LRRIQ3: variants seen among roughly 807,000 people sequenced by gnomAD.
LRRIQ3 encodes the protein leucine-rich repeat and IQ domain-containing protein 3.
LRRIQ3 carries 75 observed loss-of-function variants against 59.3 expected under a neutral mutation model. That is an observed-to-expected ratio of 1.26 (90% CI 1.05 to 1.53). The LOEUF (loss-of-function observed/expected upper bound fraction) is 1.53, where lower values mean the gene tolerates loss of function less well. LRRIQ3 is among the 40% of genes most tolerant of loss of function. LRRIQ3 has a pLI of 0.00. For synonymous variants in LRRIQ3, 250 were observed against 231.3 expected, an observed-to-expected ratio of 1.08 and a Z score of -0.73; for missense variants, 831 against 710.0, an observed-to-expected ratio of 1.17 and a Z score of -1.94.
At chr1:74,123,650 C>T (rs1488314416) in intron 4 of LRRIQ3, among the ~76,000 whole-genome samples, 2 of 152,012 alleles carry the variant, frequency 1.3e-5, no homozygotes, top group Non-Finnish European at 2.9e-5. Context: ...TTTTCTGTGG[C>T]TGAATAGTAT....
At position 74,038,669 on chromosome 1, in the gene LRRIQ3, AAC is replaced by A. The variant is rs1254447254; in HGVS notation, c.1718+2542_1718+2543del. Among the ~76,000 whole-genome samples, 3 of 152,208 alleles carry A rather than the reference AAC, an allele frequency of 2.0e-5. No homozygotes were observed. In the East Asian group the frequency reaches 5.8e-4, roughly 29 times the overall value. Reference sequence around the variant, plus strand: ...AGTGACATCTCCAGGCACAGGAGTGAACCAGATGAATAGTGCTTGAAGCGAAC... The same window carrying A: ...AGTGACATCTCCAGGCACAGGAGTGACAGATGAATAGTGCTTGAAGCGAAC... On this transcript the variant is annotated intron_variant, in intron 7 of 7. Transcript: ENST00000354431.
Position 74,160,851 on chromosome 1 carries a change from A to G in LRRIQ3, c.574-4985T>C, listed in dbSNP as rs116106002. Among the ~76,000 whole-genome samples, 804 of 152,128 alleles carry G rather than the reference A, an allele frequency of 5.3e-3. 10 individuals carry two copies. Among genetic ancestry groups the G allele is most frequent in the African/African-American group, 0.019 (769 of 41,508 alleles). ...AGTAATGGATCCTGTCACTTGTTCT[A>G]TCGTCACCCTGAAAACATAGAGGGT... is the stretch of plus-strand genomic sequence containing the variant. On this transcript the variant is annotated intron_variant, in intron 3 of 7. Transcript: ENST00000354431.
intron 5 of LRRIQ3, among the ~76,000 whole-genome samples, chr1:74,106,375 C>T (rs370526900): frequency 6.6e-6 from 1 of 150,628 alleles, no homozygotes; most frequent in African/African-American, 2.4e-5. Context: ...GTGGGGATGG[C>T]GGGGGGAGGA....
intron 5 of LRRIQ3, among the ~76,000 whole-genome samples, chr1:74,104,065 A>T (rs969919284): frequency 1.1e-4 from 16 of 152,014 alleles, no homozygotes; most frequent in Non-Finnish European, 2.4e-4. Context: ...TAAAAGGAAA[A>T]TTACATCTCA....
chr1:74,045,823 A>C (rs754062454), intron 6 of LRRIQ3, among the ~76,000 whole-genome samples: 1 of 152,184 alleles, frequency 6.6e-6, no homozygotes, highest in African/African-American at 2.4e-5. Context: ...AATAAAAGAC[A>C]AACAGCCAAT....
At chr1:74,143,634 C>A (rs1278459597) in intron 4 of LRRIQ3, among the ~76,000 whole-genome samples, 1 of 151,574 alleles carries the variant, frequency 6.6e-6, no homozygotes, top group Non-Finnish European at 1.5e-5. Flanking sequence ...TTAACCTAAT[C>A]TTCATTATAC....
chr1:74,035,224 C>A (rs938889021), intron 7 of LRRIQ3, among the ~76,000 whole-genome samples: 1 of 151,930 alleles, frequency 6.6e-6, no homozygotes, highest in Non-Finnish European at 1.5e-5. Context: ...TAGTTTTGCA[C>A]CTATCTGTGA....
At chr1:74,187,927 C>T (rs908131839) in intron 1 of LRRIQ3, among the ~76,000 whole-genome samples, 1 of 151,962 alleles carries the variant, frequency 6.6e-6, no homozygotes, top group African/African-American at 2.4e-5. Flanking sequence ...TGGGTATATA[C>T]CTAAAGCAAT....
At chr1:74,048,929 T>C (rs1354318870) in intron 6 of LRRIQ3, among the ~76,000 whole-genome samples, 1 of 152,138 alleles carries the variant, frequency 6.6e-6, no homozygotes, top group African/African-American at 2.4e-5. Flanking sequence ...ATAACAAATT[T>C]ATAAATAAGA....
At chr1:74,164,604 G>A (rs565779701) in intron 3 of LRRIQ3, among the ~76,000 whole-genome samples, 1 of 151,578 alleles carries the variant, frequency 6.6e-6, no homozygotes, top group Non-Finnish European at 1.5e-5. Flanking sequence ...CCCCAAATCT[G>A]TAGCTTATCT....
intron 3 of LRRIQ3, among the ~76,000 whole-genome samples, chr1:74,172,686 T>A (rs1649399817): frequency 6.6e-6 from 1 of 152,174 alleles, no homozygotes; most frequent in Non-Finnish European, 1.5e-5. Context: ...AAGTTTTGTA[T>A]TATTGTGTTT....
At chr1:74,163,114 A>G (rs1648755730) in intron 3 of LRRIQ3, among the ~76,000 whole-genome samples, 1 of 151,626 alleles carries the variant, frequency 6.6e-6, no homozygotes, top group African/African-American at 2.4e-5. Flanking sequence ...AAATATGTAC[A>G]ATTATATCAG....
chr1:74,061,428 T>G (rs1336374002), intron 6 of LRRIQ3, among the ~76,000 whole-genome samples: 1 of 152,142 alleles, frequency 6.6e-6, no homozygotes, highest in Non-Finnish European at 1.5e-5. Context: ...CATTCTTCAT[T>G]GAATTAGAAT....
chr1:74,090,236 AAT>A (rs921376530), intron 5 of LRRIQ3, among the ~76,000 whole-genome samples: 1 of 152,086 alleles, frequency 6.6e-6, no homozygotes, highest in African/African-American at 2.4e-5. Context: ...TGGGGATCCA[AAT>A]ATAAATTATT....
chr1:74,040,320 A>G (rs755700563), intron 7 of LRRIQ3, among the ~76,000 whole-genome samples: 4 of 152,202 alleles, frequency 2.6e-5, no homozygotes, highest in Non-Finnish European at 4.4e-5. Flanking sequence ...AAAGAGACAT[A>G]GTCTCCCACA....
At chr1:74,126,563 C>T (rs1000425064) in intron 4 of LRRIQ3, among the ~76,000 whole-genome samples, 6 of 151,700 alleles carry the variant, frequency 4.0e-5, no homozygotes, top group Admixed American at 3.3e-4. Context: ...CATTATCATT[C>T]GTTTAAAGAA....
rs545491470 is a variant in LRRIQ3, at chr1:74,108,427, A to G, written c.867+967T>C. Among the ~76,000 whole-genome samples, 8 of 151,944 alleles carry G rather than the reference A, an allele frequency of 5.3e-5. No homozygotes were observed. In the South Asian group the frequency reaches 1.7e-3, roughly 31 times the overall value. ...TAAGTAGAATATGTTTGCCTTTTGT[A>G]TCCTATGTTTTTATTCAATGAATAA... On this transcript the variant is annotated intron_variant, in intron 5 of 7. Coordinates refer to ENST00000354431, the MANE Select transcript of LRRIQ3 (RefSeq NM_001105659.2).
At chr1:74,175,894 T>A (rs886541548) in intron 3 of LRRIQ3, among the ~76,000 whole-genome samples, 2 of 152,182 alleles carry the variant, frequency 1.3e-5, no homozygotes, top group Non-Finnish European at 2.9e-5. Context: ...GGAAACCTTA[T>A]CCCTCTTAAC....
chr1:74,029,229 T>C (rs538133508), intron 7 of LRRIQ3, among the ~76,000 whole-genome samples: 1 of 152,248 alleles, frequency 6.6e-6, no homozygotes, highest in South Asian at 2.1e-4. Flanking sequence ...CTGCTTGCCC[T>C]GGCCAGAACT....
Sources: gnomAD v4.1 joint callset for allele counts (sites outside exome capture counted in the v4.1 genomes callset) on GRCh38, gnomAD v4.1.1 for gene constraint, MANE v1.5 for transcripts, NCBI Gene and HGNC (gene_info 2026-07-23, HGNC 2026-07-21) for gene names.